Variants in AGAP3 observed in about 807,000 individuals in gnomAD.
AGAP3 encodes arf-GAP with GTPase, ANK repeat and PH domain-containing protein 3.
In AGAP3, 24 loss-of-function variants were observed where a neutral mutation model predicts 96.9. The observed-to-expected ratio is 0.25, with a 90% CI of 0.18 to 0.35. The LOEUF (loss-of-function observed/expected upper bound fraction) is 0.35, where lower values mean the gene tolerates loss of function less well. Ranked by LOEUF, AGAP3 falls within the 10% of genes least tolerant of loss-of-function variation. The probability of loss-of-function intolerance (pLI) is 1.00; values close to 1 mark genes in which losing one functional copy is unlikely to be tolerated. For missense variants in AGAP3, 876 were observed against 1,254.2 expected, an observed-to-expected ratio of 0.70 and a Z score of 4.55; for synonymous variants, 563 against 536.1, an observed-to-expected ratio of 1.05 and a Z score of -0.69.
At chr7:151,099,518 A>G (rs1798752279) in intron 1 of AGAP3, among the ~76,000 whole-genome samples, 1 of 152,182 alleles carries the variant, frequency 6.6e-6, no homozygotes, top group African/African-American at 2.4e-5. Flanking sequence ...TAGAAGTACA[A>G]CTGTTGTTGT....
intron 1 of AGAP3, among the ~76,000 whole-genome samples, chr7:151,110,800 G>C (rs1410697543): frequency 1.3e-5 from 2 of 152,160 alleles, no homozygotes; most frequent in Non-Finnish European, 2.9e-5. Context: ...GGATTGGGCT[G>C]GGGGAGTGGT....
chr7:151,093,107 T>C lies in AGAP3; in HGVS notation c.331+6035T>C, dbSNP rs377006279. ...GACAGATGCTTGCTCAAGAAACATA[T>C]ATATGTATGTATGTATTATATGTAT... On this transcript the variant is annotated intron_variant, in intron 1 of 17. Transcript: ENST00000397238. Among the ~76,000 whole-genome samples the C allele has an allele frequency of 7.4e-4, 112 of 152,280 alleles. 2 individuals are homozygous for C. In the South Asian group the frequency reaches 0.023, roughly 31 times the overall value.
Position 151,143,188 on chromosome 7 carries a change from C to G in AGAP3, c.2274-153C>G, listed in dbSNP as rs1349661696. Reference sequence around the variant, plus strand: ...CTCTGTGTGCCTGGAGTTTCCAAGGCTTCTCTCCTTCCTTTTTGCTCCATC... The same window carrying G: ...CTCTGTGTGCCTGGAGTTTCCAAGGGTTCTCTCCTTCCTTTTTGCTCCATC... On this transcript the variant is annotated intron_variant, in intron 16 of 17. Coordinates refer to ENST00000397238, the MANE Select transcript of AGAP3 (RefSeq NM_031946.7). This position sits in a 1 kb window ranked among gnomAD's most constrained non-coding sequence, Gnocchi z 5.9. Among the ~76,000 whole-genome samples the G allele has an allele frequency of 6.6e-6, 1 of 152,146 alleles. No individual in the cohort carries two copies. Among genetic ancestry groups the G allele is most frequent in the African/African-American group, 2.4e-5 (1 of 41,414 alleles).
chr7:151,126,361 A>G (rs1456290589), intron 9 of AGAP3, among the ~76,000 whole-genome samples: 27 of 10,538 alleles, frequency 2.6e-3, no homozygotes, highest in African/African-American at 0.019. Flanking sequence ...AGAGCGGAGC[A>G]GAGCAGAGCG....
rs778159808 is a variant in AGAP3, at chr7:151,116,839, G to C, written c.378G>C (p.Pro126=). 6.2e-7 allele frequency: 1 copy of C among 1,614,136 alleles called. No homozygotes were observed. Among genetic ancestry groups the C allele is most frequent in the Non-Finnish European group, 8.5e-7 (1 of 1,180,012 alleles). The change falls in exon 2 of 18, where the codon CCG becomes CCC. Residue 126 remains proline, a synonymous_variant. Coordinates refer to ENST00000397238, the MANE Select transcript of AGAP3 (RefSeq NM_031946.7). Reference sequence around the variant, plus strand: ...AGTGGACGCTGAGCCGCTCCGTACCGGAGCTTAAAGTGGTGAGTGTGGCCC... The same window carrying C: ...AGTGGACGCTGAGCCGCTCCGTACCCGAGCTTAAAGTGGTGAGTGTGGCCC... The part of the protein sequence containing the change: ...SQEWTLSRSV[P]ELKVGIVGNL...
At position 151,142,844 on chromosome 7, in the gene AGAP3, A is replaced by G. The variant is rs1410902998; in HGVS notation, c.2273+210A>G. Among the ~76,000 whole-genome samples, 2 of 152,218 alleles carry G rather than the reference A, an allele frequency of 1.3e-5. No homozygotes were observed. Among genetic ancestry groups the G allele is most frequent in the Non-Finnish European group, 2.9e-5 (2 of 68,034 alleles). Reference sequence around the variant, plus strand: ...CAACGGGCCCTTTCTGAGCGTTATCAGCAGGTCAGGGGCCAGCAGGAGGCG... The same window carrying G: ...CAACGGGCCCTTTCTGAGCGTTATCGGCAGGTCAGGGGCCAGCAGGAGGCG... On this transcript the variant is annotated intron_variant, in intron 16 of 17. Transcript: ENST00000397238. This position sits in a 1 kb window ranked among gnomAD's most constrained non-coding sequence, Gnocchi z 7.5.
intron 9 of AGAP3, 97 bp downstream of exon 9, chr7:151,123,983 G>A (rs1194758847): frequency 6.4e-6 from 8 of 1,258,852 alleles, no homozygotes; most frequent in Non-Finnish European, 8.9e-6. Context: ...TGATGGGGGA[G>A]ATGGCATCAG....
chr7:151,099,887 A>C (rs1798768949), intron 1 of AGAP3, among the ~76,000 whole-genome samples: 1 of 152,212 alleles, frequency 6.6e-6, no homozygotes, highest in South Asian at 2.1e-4. Context: ...GTAAACACAC[A>C]CGGACTCTTG....
chr7:151,132,882 A>G (rs1245286631), intron 10 of AGAP3, among the ~76,000 whole-genome samples: 2 of 152,146 alleles, frequency 1.3e-5, no homozygotes, highest in African/African-American at 4.8e-5. Context: ...ACTGCTTCCC[A>G]AGAGGCAGCA....
chr7:151,115,593 T>C (rs1321630982), intron 1 of AGAP3: 12 of 1,163,262 alleles, frequency 1.0e-5, no homozygotes, highest in Non-Finnish European at 1.2e-5. Context: ...CGCGCCGCTG[T>C]GGGGCCGTCG....
At position 151,118,928 on chromosome 7, in the gene AGAP3, G is replaced by A. The variant is rs1030019191; in HGVS notation, c.969+296G>A. 4.5e-4 allele frequency among the ~76,000 whole-genome samples: 68 copies of A among 152,288 alleles called. No homozygotes were observed. Among genetic ancestry groups the A allele is most frequent in the African/African-American group, 1.6e-3 (65 of 41,560 alleles). On this transcript the variant is annotated intron_variant, in intron 7 of 17. Transcript: ENST00000397238. This position sits in a 1 kb window ranked among gnomAD's most constrained non-coding sequence, Gnocchi z 6.1. Reference sequence around the variant, plus strand: ...CGATGCCCTCTGCTGAAAGTCCTGGGCCATCCACAGGTGGCATGGTCAAGG... The same window carrying A: ...CGATGCCCTCTGCTGAAAGTCCTGGACCATCCACAGGTGGCATGGTCAAGG...
rs72617355 is a variant in AGAP3 at position 151,113,076 on chromosome 7, T to C, written c.332-3717T>C. Among the ~76,000 whole-genome samples, 2,752 of 152,200 alleles carry C rather than the reference T, an allele frequency of 0.018. 151 individuals carry two copies. The East Asian group carries it at 0.21, about 12-fold the overall frequency. On this transcript the variant is annotated intron_variant, in intron 1 of 17. Transcript: ENST00000397238. ...CTGGCTTGCAGGATGAGCTTGTGAG[T>C]GGGCAGCCTTATTCTTTGGCAGAAC...
chr7:151,135,008 C>T (rs1331467928), intron 11 of AGAP3, among the ~76,000 whole-genome samples: 1 of 152,188 alleles, frequency 6.6e-6, no homozygotes, highest in Non-Finnish European at 1.5e-5. Flanking sequence ...AGGCGGGTCT[C>T]TGCTCAGAGA....
chr7:151,137,345 C>T (rs1466484379), intron 11 of AGAP3, among the ~76,000 whole-genome samples: 2 of 152,266 alleles, frequency 1.3e-5, no homozygotes, highest in Admixed American at 6.5e-5. Context: ...GGTTCGGCCC[C>T]CGTGTTCTTA....
At chr7:151,121,344 G>C (rs552202240) in intron 8 of AGAP3, among the ~76,000 whole-genome samples, 19 of 152,034 alleles carry the variant, frequency 1.2e-4, no homozygotes, top group South Asian at 2.1e-4. Flanking sequence ...TAGAGCGTGG[G>C]GGGGGCCGCC....
At chr7:151,123,700 GAGGAGGGAGGC>G (rs1376958394) in intron 8 of AGAP3, 83 bp from the exon 9 acceptor site, 74 of 1,586,004 alleles carry the variant, frequency 4.7e-5, no homozygotes, top group South Asian at 1.3e-4. Flanking sequence ...GGCTGCCCAG[GAGGAGGGAGGC>G]AGGAGGGAGG....
intron 9 of AGAP3, among the ~76,000 whole-genome samples, chr7:151,125,833 C>T (rs1294918271): frequency 1.3e-5 from 2 of 152,246 alleles, no homozygotes; most frequent in Non-Finnish European, 2.9e-5. Flanking sequence ...AGTCGGCTGG[C>T]GGAGCTGGGA....
chr7:151,087,231 G>T (rs772930284), intron 1 of AGAP3, 159 bp downstream of exon 1: 5 of 762,442 alleles, frequency 6.6e-6, no homozygotes, highest in South Asian at 5.1e-5. Context: ...TGCAGAACCG[G>T]CGGGCAGCTT....
intron 1 of AGAP3, chr7:151,115,118 G>A: frequency 9.7e-7 from 1 of 1,035,914 alleles, no homozygotes; most frequent in Non-Finnish European, 1.2e-6. Context: ...GCACCCGCGG[G>A]GAGCCGACTC....
Sources: allele counts gnomAD v4.1 joint callset (sites outside exome capture counted in the v4.1 genomes callset), GRCh38; gene constraint gnomAD v4.1.1; non-coding constraint Gnocchi (gnomAD v3.1); transcripts MANE v1.5; gene names NCBI Gene and HGNC (gene_info 2026-07-23, HGNC 2026-07-21).